CBLN1: variants seen among roughly 807,000 people sequenced by gnomAD.
The protein encoded by CBLN1 is cerebellin-1.
Under a neutral mutation model 15.9 loss-of-function variants are expected in CBLN1, and 5 were observed. The ratio of observed to expected loss-of-function variants is 0.31; its 90% CI spans 0.16 to 0.66. CBLN1 has a LOEUF of 0.66. Ranked by LOEUF, CBLN1 falls within the 30% of genes least tolerant of loss-of-function variation. CBLN1 has a pLI of 0.75. For missense variants in CBLN1, 164 were observed against 253.7 expected, an observed-to-expected ratio of 0.65 and a Z score of 2.40; for synonymous variants, 90 against 107.6, an observed-to-expected ratio of 0.84 and a Z score of 1.01.
rs747207464 is a variant in CBLN1, at chr16:49,281,435, C to CCAG, written c.28_30dup (p.Leu10dup). ...GCCGGGCCCGCCAGCCACGCAGCCC[C>CCAG]CAGCAGCAGCAGCTCCAGGACGCCC... On this transcript the variant is annotated inframe_insertion, in exon 1 of 3. Coordinates refer to ENST00000219197, the MANE Select transcript of CBLN1 (RefSeq NM_004352.4). 1 of 1,589,772 alleles carries CCAG rather than the reference C, an allele frequency of 6.3e-7. No individual in the cohort carries two copies. Among genetic ancestry groups the CCAG allele is most frequent in the Non-Finnish European group, 8.5e-7 (1 of 1,174,714 alleles).
rs75933795 is a variant in CBLN1 at position 49,279,288 on chromosome 16, A to G, written c.*116T>C. ...CACCTTTTTACCCAGATACAGTTAG[A>G]GAACATGTAGGAAGTTTCAAGTCGT... On this transcript the variant is annotated 3_prime_UTR_variant, in exon 3 of 3. Transcript: ENST00000219197. 137 of 906,630 alleles carry G rather than the reference A, an allele frequency of 1.5e-4. No homozygotes were observed. In the East Asian group the frequency reaches 3.3e-3, roughly 22 times the overall value. 56.2% of individuals were successfully genotyped at this position (906,630 alleles called of 1,614,324 possible). A position where few individuals can be genotyped will look rare whatever the true frequency, so the allele number is the denominator to read the frequency against.
At chr16:49,280,799 C>T (rs1963266294) in intron 2 of CBLN1, 124 bp downstream of exon 2, 2 of 1,020,908 alleles carry the variant, frequency 2.0e-6, no homozygotes, top group African/African-American at 1.6e-5. Context: ...CGCTATCTGT[C>T]CCTCCAAGCA....
chr16:49,279,599 C>T lies in CBLN1; in HGVS notation c.387G>A (p.Val129=). ...VKVYNRQTIQ[V]SLMLNGWPVI... is the part of the protein sequence containing the mutation. ...CCGGCCACCCGTTTAGCATGAGGCT[C>T]ACCTGAGAAAGAGAAAGGCCCGCTT... Residue 129 remains valine, a splice_region_variant and synonymous_variant, in exon 3 of 3, where the codon GTG becomes GTA. Coordinates refer to ENST00000219197, the MANE Select transcript of CBLN1 (RefSeq NM_004352.4). 1.2e-6 allele frequency: 2 copies of T among 1,614,118 alleles called. No homozygotes were observed. Among genetic ancestry groups the T allele is most frequent in the South Asian group, 1.1e-5 (1 of 91,080 alleles).
In CBLN1 at chr16:49,280,976, T is replaced by C; in HGVS notation, c.331A>G (p.Ile111Val). The change falls in exon 2 of 3, where the codon ATC becomes GTC. Residue 111 changes from isoleucine to valine, a missense_variant. Around this residue, in one of 3 missense-constraint regions of CBLN1, gnomAD observed 127 missense variants for 179.7 expected, o/e 0.71. Coordinates refer to ENST00000219197, the MANE Select transcript of CBLN1 (RefSeq NM_004352.4). ...RSTFIAPRKG[I>V]YSFNFHVVKV... is the part of the protein sequence containing the mutation. ...ACCACGTGGAAGTTAAAACTGTAGA[T>C]CCCTTTGCGCGGGGCGATGAAAGTG... The C allele has an allele frequency of 6.2e-7, 1 of 1,614,184 alleles. No homozygotes were observed. The highest frequency in any genetic ancestry group is 8.5e-7 in the Non-Finnish European group (1 of 1,180,022).
rs565449076 is a variant in CBLN1, at chr16:49,280,120, G to C, written c.385-519C>G. The stretch of plus-strand genomic sequence containing the variant: ...GAGAAGCCACTGTGATTTGTGATTA[G>C]AAGTCTCGCACCGAGCGGCACAATG... On this transcript the variant is annotated intron_variant, in intron 2 of 2. Coordinates refer to ENST00000219197, the MANE Select transcript of CBLN1 (RefSeq NM_004352.4). Among the ~76,000 whole-genome samples the C allele has an allele frequency of 5.3e-5, 8 of 152,246 alleles. No homozygotes were observed. In the East Asian group the frequency reaches 1.2e-3, roughly 22 times the overall value.
chr16:49,278,487 G>A lies in CBLN1; in HGVS notation c.*917C>T, dbSNP rs1310167131. On this transcript the variant is annotated 3_prime_UTR_variant, in exon 3 of 3. Transcript: ENST00000219197. ...CCCCAGACCCCCAACCTCGCAGCTG[G>A]GGAAGATGCGGATTTTAGAAAGCTG... 1 of 152,238 alleles carries A rather than the reference G, an allele frequency of 6.6e-6. No individual in the cohort carries two copies. The highest frequency in any genetic ancestry group is 1.5e-5 in the Non-Finnish European group (1 of 68,052). The allele number at this position is 152,238 out of a possible 1,614,324, so 9.4% of individuals were successfully genotyped here. A position where few individuals can be genotyped will look rare whatever the true frequency, so the allele number is the denominator to read the frequency against.
chr16:49,278,610 C>CT lies in CBLN1; in HGVS notation c.*793_*794insA, dbSNP rs1227436028. On this transcript the variant is annotated 3_prime_UTR_variant, in exon 3 of 3. Transcript: ENST00000219197. ...ATGTTACAGAGGAAGAGGAGGCGTC[C>CT]GGAAGAAGCTCCTTGGCGTTTCGTG... is the stretch of plus-strand genomic sequence containing the variant. 6.6e-6 allele frequency: 1 copy of CT among 152,220 alleles called. No individual in the cohort carries two copies. The highest frequency in any genetic ancestry group is 1.5e-5 in the Non-Finnish European group (1 of 68,064). 9.4% of individuals were successfully genotyped at this position (152,220 alleles called of 1,614,324 possible).
intron 2 of CBLN1, 23 bp from the exon 3 acceptor site, chr16:49,279,624 TC>T (rs1157129362): frequency 1.2e-6 from 2 of 1,611,240 alleles, no homozygotes; most frequent in South Asian, 2.2e-5. Flanking sequence ...AAGGCCCGCT[TC>T]AGAGGCGCAA....
intron 2 of CBLN1, 54 bp from the exon 3 acceptor site, chr16:49,279,655 C>A: frequency 2.2e-6 from 3 of 1,375,370 alleles, no homozygotes; most frequent in Non-Finnish European, 2.9e-6. Context: ...GCACCGAAGC[C>A]GCGGTGGAGC....
chr16:49,279,238 A>G lies in CBLN1; in HGVS notation c.*166T>C. 1.1e-5 allele frequency: 7 copies of G among 644,598 alleles called. No individual in the cohort carries two copies. The South Asian group carries it at 1.4e-4, about 13-fold the overall frequency. 39.9% of individuals were successfully genotyped at this position (644,598 alleles called of 1,614,324 possible). ...TTTATTTCTCCTAATAAGGAAATGG[A>G]CAAAGTTGTCCCACAGCTGGCGCGC... On this transcript the variant is annotated 3_prime_UTR_variant, in exon 3 of 3. Coordinates refer to ENST00000219197, the MANE Select transcript of CBLN1 (RefSeq NM_004352.4).
intron 2 of CBLN1, 90 bp downstream of exon 2, chr16:49,280,833 C>T (rs1259306481): frequency 5.4e-6 from 8 of 1,488,142 alleles, no homozygotes; most frequent in Non-Finnish European, 6.5e-6. Context: ...GCAGCCGCCA[C>T]TTCTGCCTAC....
chr16:49,279,029 G>A lies in CBLN1; in HGVS notation c.*375C>T, dbSNP rs988300011. The A allele has an allele frequency of 4.9e-6, 1 of 204,932 alleles. No homozygotes were observed. Among genetic ancestry groups the A allele is most frequent in the Non-Finnish European group, 9.7e-6 (1 of 103,618 alleles). 12.7% of individuals were successfully genotyped at this position (204,932 alleles called of 1,614,324 possible). On this transcript the variant is annotated 3_prime_UTR_variant, in exon 3 of 3. Transcript: ENST00000219197. ...ATTTCAGTAGGCAGAAGGATTCAGA[G>A]GGGGCTAGGGAGAAAGATTTCAGAT...
rs754899835 is a variant in CBLN1, at chr16:49,281,326, G to A, written c.140C>T (p.Thr47Met). 6 of 1,613,102 alleles carry A rather than the reference G, an allele frequency of 3.7e-6. No individual in the cohort carries two copies. Among genetic ancestry groups the A allele is most frequent in the Admixed American group, 3.3e-5 (2 of 60,034 alleles). ...VCDSNPTSDP[T>M]GTALGISVRS... The stretch of plus-strand genomic sequence containing the variant: ...CACAGAGATGCCCAGGGCAGTGCCC[G>A]TGGGGTCGGACGTGGGGTTGGAGTC... Residue 47 changes from threonine (T) to methionine (M), a missense_variant, in exon 1 of 3, where the codon ACG becomes ATG. Transcript: ENST00000219197.
Position 49,279,341 on chromosome 16 carries a change from CCT to C in CBLN1, c.*61_*62del. Reference sequence around the variant, plus strand: ...TGCTTTCTCGCCCTCTTAATTTCAGCCTCTTTCTCACTCCCCTTCCTGCCTTC... The same window carrying C: ...TGCTTTCTCGCCCTCTTAATTTCAGCCTTTCTCACTCCCCTTCCTGCCTTC... On this transcript the variant is annotated 3_prime_UTR_variant, in exon 3 of 3. Transcript: ENST00000219197. 1.4e-6 allele frequency: 2 copies of C among 1,468,994 alleles called. No homozygotes were observed. The highest frequency in any genetic ancestry group is 1.9e-6 in the Non-Finnish European group (2 of 1,051,742). The allele number at this position is 1,468,994 out of a possible 1,614,324, so 91.0% of individuals were successfully genotyped here.
chr16:49,280,695 C>G (rs1158542352), intron 2 of CBLN1, among the ~76,000 whole-genome samples: 2 of 152,112 alleles, frequency 1.3e-5, no homozygotes, highest in Non-Finnish European at 2.9e-5. Flanking sequence ...AAGGCAGAAG[C>G]AGAAAATTCT....
At chr16:49,280,329 G>T (rs1244896648) in intron 2 of CBLN1, among the ~76,000 whole-genome samples, 1 of 152,194 alleles carries the variant, frequency 6.6e-6, no homozygotes, top group East Asian at 1.9e-4. Context: ...GAGAGCCGGC[G>T]AGTGATTGCT....
chr16:49,281,744 T>A lies in CBLN1; in HGVS notation c.-279A>T. 2.7e-5 allele frequency: 8 copies of A among 298,146 alleles called. No individual in the cohort carries two copies. Among genetic ancestry groups the A allele is most frequent in the East Asian group, 5.7e-5 (1 of 17,550 alleles). 18.5% of individuals were successfully genotyped at this position (298,146 alleles called of 1,614,324 possible). A position where few individuals can be genotyped will look rare whatever the true frequency, so the allele number is the denominator to read the frequency against. On this transcript the variant is annotated 5_prime_UTR_variant, in exon 1 of 3. Coordinates refer to ENST00000219197, the MANE Select transcript of CBLN1 (RefSeq NM_004352.4). ...CATAGCCGCTGCTGCTCGGTCCCGC[T>A]GCTGCCGCCGCCTCCTGCCCGCACC...
In CBLN1 at chr16:49,279,220, C is replaced by G; in HGVS notation, c.*184G>C. Reference sequence around the variant, plus strand: ...GCGCAGAGCTAAGCGAAATTTATTTCTCCTAATAAGGAAATGGACAAAGTT... The same window carrying G: ...GCGCAGAGCTAAGCGAAATTTATTTGTCCTAATAAGGAAATGGACAAAGTT... On this transcript the variant is annotated 3_prime_UTR_variant, in exon 3 of 3. Coordinates refer to ENST00000219197, the MANE Select transcript of CBLN1 (RefSeq NM_004352.4). 3 of 611,946 alleles carry G rather than the reference C, an allele frequency of 4.9e-6. No individual in the cohort carries two copies. In the South Asian group the frequency reaches 6.1e-5, roughly 12 times the overall value. 37.9% of individuals were successfully genotyped at this position (611,946 alleles called of 1,614,324 possible).
rs1963226607 is a variant in CBLN1 at position 49,278,840 on chromosome 16, G to A, written c.*564C>T. The A allele has an allele frequency of 6.6e-6, 1 of 152,642 alleles. No individual in the cohort carries two copies. The highest frequency in any genetic ancestry group is 1.9e-4 in the East Asian group (1 of 5,198). The allele number at this position is 152,642 out of a possible 1,614,324, so 9.5% of individuals were successfully genotyped here. A position where few individuals can be genotyped will look rare whatever the true frequency, so the allele number is the denominator to read the frequency against. On this transcript the variant is annotated 3_prime_UTR_variant, in exon 3 of 3. Coordinates refer to ENST00000219197, the MANE Select transcript of CBLN1 (RefSeq NM_004352.4). ...CTTTCTCTGCTAACAAGCAGCCGAGGATACTAAGTATCTTCAGCTAATTAA... is the reference window on the plus strand; with the variant it reads ...CTTTCTCTGCTAACAAGCAGCCGAGAATACTAAGTATCTTCAGCTAATTAA...
Sources: allele counts gnomAD v4.1 joint callset (sites outside exome capture counted in the v4.1 genomes callset), GRCh38; gene constraint gnomAD v4.1.1; regional missense constraint gnomAD v4.1.1; transcripts MANE v1.5; gene names NCBI Gene and HGNC (gene_info 2026-07-23, HGNC 2026-07-21).